The following SLC9A9 variants were observed in gnomAD, a reference collection of about 807,000 sequenced individuals.
SLC9A9 encodes the protein solute carrier family 9 member A9.
A neutral mutation model predicts 77.8 loss-of-function variants in SLC9A9; 62 were observed. That is an observed-to-expected ratio of 0.80 (90% CI 0.65 to 0.98). The LOEUF (loss-of-function observed/expected upper bound fraction) is 0.98. Among genes scored for constraint, SLC9A9 ranks in the 50% least tolerant of loss-of-function variants. The pLI, the probability that SLC9A9 is intolerant of heterozygous loss-of-function variation, is 0.00. For synonymous variants in SLC9A9, 320 were observed against 283.5 expected (o/e 1.13, Z -1.29); for missense variants, 775 against 774.9 (o/e 1.00, Z 0.00).
At chr3:143,428,692 T>TA (rs1453978314) in intron 12 of SLC9A9, among the ~76,000 whole-genome samples, 1 of 94,516 alleles carries the variant, frequency 1.1e-5, no homozygotes, top group Non-Finnish European at 2.0e-5. Context: ...AATGCCCATC[T>TA]ACAGATGAAT....
intron 14 of SLC9A9, among the ~76,000 whole-genome samples, chr3:143,326,713 G>A (rs1400137338): frequency 2.0e-5 from 3 of 152,176 alleles, no homozygotes; most frequent in Non-Finnish European, 2.9e-5. Context: ...ATCATACTGT[G>A]TAATTATTCT....
intron 4 of SLC9A9, among the ~76,000 whole-genome samples, chr3:143,709,115 CG>C (rs1934073751): frequency 6.6e-6 from 1 of 152,066 alleles, no homozygotes; most frequent in African/African-American, 2.4e-5. Flanking sequence ...CAGGCGTGGG[CG>C]GCAAAAGTTG....
chr3:143,607,158 A>C (rs961651276), intron 6 of SLC9A9, among the ~76,000 whole-genome samples: 6 of 152,236 alleles, frequency 3.9e-5, no homozygotes, highest in African/African-American at 1.2e-4. Context: ...ATATTTGTTA[A>C]TTTTGAATTC....
intron 9 of SLC9A9, among the ~76,000 whole-genome samples, chr3:143,545,990 C>T (rs1396785080): frequency 1.3e-5 from 2 of 152,166 alleles, no homozygotes; most frequent in Non-Finnish European, 2.9e-5. Flanking sequence ...CCTTAAAACC[C>T]AGTCATTTAG....
intron 6 of SLC9A9, among the ~76,000 whole-genome samples, chr3:143,622,827 G>C (rs1576617059): frequency 6.6e-6 from 1 of 151,774 alleles, no homozygotes; most frequent in Middle Eastern, 3.4e-3. Flanking sequence ...TGGCAAATTT[G>C]ATAGAGTCAA....
At chr3:143,316,042 AGACAAG>A (rs1186746025) in intron 14 of SLC9A9, among the ~76,000 whole-genome samples, 2 of 152,242 alleles carry the variant, frequency 1.3e-5, no homozygotes, top group Non-Finnish European at 2.9e-5. Context: ...ATTTCTGAGC[AGACAAG>A]TTGTATTATA....
chr3:143,290,383 T>C (rs1027225884), intron 14 of SLC9A9, among the ~76,000 whole-genome samples: 8 of 152,236 alleles, frequency 5.3e-5, no homozygotes, highest in Admixed American at 1.3e-4. Context: ...CCATAGTTTA[T>C]GTTCAATACA....
intron 14 of SLC9A9, among the ~76,000 whole-genome samples, chr3:143,324,236 G>GA (rs2031508329): frequency 3.9e-5 from 6 of 152,054 alleles, no homozygotes; most frequent in Admixed American, 3.9e-4. Context: ...TGGGGTCATT[G>GA]CAATGTTCCC....
intron 8 of SLC9A9, among the ~76,000 whole-genome samples, chr3:143,560,124 A>G (rs561836266): frequency 3.3e-5 from 5 of 152,368 alleles, no homozygotes; most frequent in Non-Finnish European, 7.3e-5. Flanking sequence ...CTGGGTATTA[A>G]TGTACATCTG....
At chr3:143,742,807 T>C (rs556332662) in intron 4 of SLC9A9, among the ~76,000 whole-genome samples, 6 of 152,266 alleles carry the variant, frequency 3.9e-5, no homozygotes, top group African/African-American at 1.4e-4. Context: ...TAATAATCAG[T>C]GAAGCTGTGG....
At chr3:143,603,350 C>A (rs531656453) in intron 6 of SLC9A9, among the ~76,000 whole-genome samples, 26 of 152,344 alleles carry the variant, frequency 1.7e-4, no homozygotes, top group African/African-American at 6.3e-4. Flanking sequence ...TTCACGCCCT[C>A]TACATTCCTC....
At chr3:143,697,153 T>G (rs1400631710) in intron 4 of SLC9A9, among the ~76,000 whole-genome samples, 3 of 151,584 alleles carry the variant, frequency 2.0e-5, no homozygotes, top group Middle Eastern at 3.4e-3. Context: ...ATTAGAAAAA[T>G]AAATTGATAA....
chr3:143,727,337 A>G (rs1348544825), intron 4 of SLC9A9, among the ~76,000 whole-genome samples: 1 of 151,916 alleles, frequency 6.6e-6, no homozygotes, highest in Non-Finnish European at 1.5e-5. Context: ...GCCTTTATCC[A>G]AATATAAATG....
intron 9 of SLC9A9, chr3:143,504,002 C>G: frequency 2.3e-6 from 1 of 443,184 alleles, no homozygotes; most frequent in South Asian, 1.8e-5. Flanking sequence ...TAATCAGTGC[C>G]AGCATCGCCC....
intron 4 of SLC9A9, among the ~76,000 whole-genome samples, chr3:143,759,818 AC>A (rs903096572): frequency 3.9e-5 from 6 of 151,942 alleles, no homozygotes; most frequent in East Asian, 3.9e-4. Context: ...CAGTTGAGGG[AC>A]CCTTTCCTAA....
chr3:143,804,193 A>ACCCCG (rs1379212538), intron 2 of SLC9A9, among the ~76,000 whole-genome samples: 1 of 152,204 alleles, frequency 6.6e-6, no homozygotes, highest in African/African-American at 2.4e-5. Context: ...GCTCCATATT[A>ACCCCG]CAGATAAGCC....
chr3:143,432,759 C>G (rs936614577), intron 12 of SLC9A9, among the ~76,000 whole-genome samples: 3 of 152,178 alleles, frequency 2.0e-5, no homozygotes, highest in African/African-American at 7.2e-5. Flanking sequence ...TCCCAAGTAG[C>G]TCGGACTACA....
At chr3:143,776,718 T>C (rs1423752363) in intron 4 of SLC9A9, among the ~76,000 whole-genome samples, 2 of 152,194 alleles carry the variant, frequency 1.3e-5, no homozygotes, top group Non-Finnish European at 2.9e-5. Context: ...GGAAACTCTA[T>C]AAAGGCAGGT....
At chr3:143,575,458 T>C (rs943505060) in intron 7 of SLC9A9, among the ~76,000 whole-genome samples, 1 of 152,204 alleles carries the variant, frequency 6.6e-6, no homozygotes, top group African/African-American at 2.4e-5. Flanking sequence ...GAACAGTGCC[T>C]GGCATGTAAC....
Sources: gnomAD v4.1 joint callset for allele counts (sites outside exome capture counted in the v4.1 genomes callset) on GRCh38, gnomAD v4.1.1 for gene constraint, MANE v1.5 for transcripts, NCBI Gene and HGNC (gene_info 2026-07-23, HGNC 2026-07-21) for gene names.